TYW1: variants seen among roughly 807,000 people sequenced by gnomAD.
TYW1 encodes tRNA-yW synthesizing protein 1 homolog.
Under a neutral mutation model 96.2 loss-of-function variants are expected in TYW1, and 46 were observed. That is an observed-to-expected ratio of 0.48 (90% CI 0.38 to 0.61). The LOEUF (loss-of-function observed/expected upper bound fraction) is 0.61, where lower values mean the gene tolerates loss of function less well. Ranked by LOEUF, TYW1 falls within the 20% of genes least tolerant of loss-of-function variation. TYW1 has a pLI of 0.00. For synonymous variants in TYW1, 274 were observed against 323.0 expected (o/e 0.85, Z 1.63); for missense variants, 684 against 909.6 (o/e 0.75, Z 3.19).
intron 13 of TYW1, among the ~76,000 whole-genome samples, chr7:67,134,341 G>A (rs1798178364): frequency 6.6e-6 from 1 of 151,920 alleles, no homozygotes; most frequent in Non-Finnish European, 1.5e-5. Context: ...TCAGGAGTTC[G>A]AGACCAGCCT....
chr7:67,096,728 T>C (rs939897719), intron 11 of TYW1, among the ~76,000 whole-genome samples: 13 of 152,090 alleles, frequency 8.5e-5, no homozygotes, highest in East Asian at 7.8e-4. Flanking sequence ...TCCTCTCCCT[T>C]CTCCCACCCT....
At chr7:67,203,782 G>A (rs1650772356) in intron 15 of TYW1, among the ~76,000 whole-genome samples, 1 of 152,110 alleles carries the variant, frequency 6.6e-6, no homozygotes, top group African/African-American at 2.4e-5. Context: ...CCATCTGTTT[G>A]AAGAACTTCC....
chr7:67,073,856 G>A (rs948902237), intron 10 of TYW1, among the ~76,000 whole-genome samples: 4 of 150,894 alleles, frequency 2.7e-5, no homozygotes, highest in Admixed American at 2.6e-4. Context: ...GCTGAGGCGG[G>A]CAGATCACGA....
chr7:67,019,181 G>A (rs934241505), intron 6 of TYW1, among the ~76,000 whole-genome samples: 3 of 146,632 alleles, frequency 2.0e-5, no homozygotes, highest in Admixed American at 6.8e-5. Flanking sequence ...ACGACCACGG[G>A]CTCAAGTTTA....
intron 11 of TYW1, among the ~76,000 whole-genome samples, chr7:67,091,279 C>G (rs1796709085): frequency 6.6e-6 from 1 of 151,490 alleles, no homozygotes; most frequent in African/African-American, 2.4e-5. Flanking sequence ...ATGGATGAAG[C>G]TGGAAACCAT....
At chr7:67,137,920 C>G (rs35456312) in intron 13 of TYW1, among the ~76,000 whole-genome samples, 4 of 152,294 alleles carry the variant, frequency 2.6e-5, no homozygotes, top group Admixed American at 6.5e-5. Flanking sequence ...GGCCCACACT[C>G]TCACACCATG....
intron 13 of TYW1, among the ~76,000 whole-genome samples, chr7:67,162,746 G>A (rs1288100411): frequency 6.6e-6 from 1 of 152,158 alleles, no homozygotes; most frequent in African/African-American, 2.4e-5. Flanking sequence ...TTGAAGTCAT[G>A]GGAGTCTGAG....
intron 7 of TYW1, among the ~76,000 whole-genome samples, chr7:67,025,474 G>A (rs11763312): frequency 0.11 from 17,025 of 151,650 alleles, 989 homozygotes; most frequent in Middle Eastern, 0.15. Context: ...GATGGTTAGA[G>A]AGATTTTATT....
chr7:67,095,614 C>A (rs3107885), intron 11 of TYW1, among the ~76,000 whole-genome samples: 1 of 151,838 alleles, frequency 6.6e-6, no homozygotes, highest in African/African-American at 2.4e-5. Flanking sequence ...GCTGAGATCA[C>A]GCCATTGCAC....
At chr7:67,019,951 G>T (rs908404735) in intron 6 of TYW1, among the ~76,000 whole-genome samples, 116 of 152,252 alleles carry the variant, frequency 7.6e-4, no homozygotes, top group African/African-American at 2.5e-3. Flanking sequence ...ATGGCTTCAA[G>T]AGATAATTAC....
At chr7:67,162,838 T>G (rs1361969444) in intron 13 of TYW1, among the ~76,000 whole-genome samples, 3 of 152,214 alleles carry the variant, frequency 2.0e-5, no homozygotes, top group Non-Finnish European at 4.4e-5. Flanking sequence ...TGTTTACTAT[T>G]CTGTAGATAG....
chr7:67,111,739 A>G (rs1304720086), intron 12 of TYW1, among the ~76,000 whole-genome samples: 1 of 152,208 alleles, frequency 6.6e-6, no homozygotes, highest in Non-Finnish European at 1.5e-5. Flanking sequence ...TAAACAACAC[A>G]CTTGTTAAAT....
chr7:67,009,867 C>G (rs1793731775), intron 4 of TYW1, 183 bp downstream of exon 4: 9 of 610,062 alleles, frequency 1.5e-5, no homozygotes. Flanking sequence ...TTCACTGATT[C>G]TCACGTGGTG....
chr7:67,155,702 G>A (rs1436864710), intron 13 of TYW1, among the ~76,000 whole-genome samples: 5 of 152,138 alleles, frequency 3.3e-5, no homozygotes, highest in African/African-American at 9.7e-5. Flanking sequence ...GGGATTATAG[G>A]CGTGAGCCAC....
intron 15 of TYW1, among the ~76,000 whole-genome samples, chr7:67,202,321 C>T (rs893273508): frequency 6.6e-6 from 1 of 152,140 alleles, no homozygotes; most frequent in Admixed American, 6.5e-5. Context: ...GGTCAGGTGA[C>T]CTGAAACCAG....
At chr7:67,032,953 GT>G (rs1198229817) in intron 7 of TYW1, among the ~76,000 whole-genome samples, 6 of 127,812 alleles carry the variant, frequency 4.7e-5, no homozygotes, top group Non-Finnish European at 9.4e-5. Context: ...CTGGGGTGCA[GT>G]GGCACAATCT....
intron 3 of TYW1, among the ~76,000 whole-genome samples, chr7:67,009,131 T>G (rs1254014688): frequency 6.6e-6 from 1 of 152,140 alleles, no homozygotes; most frequent in Non-Finnish European, 1.5e-5. Flanking sequence ...CGTCTCAGCC[T>G]CTTGAGTAGC....
intron 7 of TYW1, among the ~76,000 whole-genome samples, chr7:67,025,718 T>C (rs916255052): frequency 3.9e-5 from 6 of 152,126 alleles, no homozygotes; most frequent in African/African-American, 1.4e-4. Flanking sequence ...GAATGTACGA[T>C]GCAGTAGGAT....
At position 67,180,386 on chromosome 7, in the gene TYW1, TTA is replaced by T. The variant is rs372906172; in HGVS notation, c.1699-2722_1699-2721del. Among the ~76,000 whole-genome samples the T allele has an allele frequency of 1.4e-3, 154 of 111,560 alleles. 24 individuals carry two copies. The highest frequency in any genetic ancestry group is 2.4e-3 in the Non-Finnish European group (135 of 56,114). 73.2% of individuals were successfully genotyped at this position (111,560 alleles called of 152,430 possible). A position where few individuals can be genotyped will look rare whatever the true frequency, so the allele number is the denominator to read the frequency against. On this transcript the variant is annotated intron_variant, in intron 13 of 15. Transcript: ENST00000359626. Reference sequence around the variant, plus strand: ...ACCGTATCCTTGGAAAGCTGTTGGTTTATATATATATATATATATTTATATAT... The same window carrying T: ...ACCGTATCCTTGGAAAGCTGTTGGTTTATATATATATATATATTTATATAT...
Sources: allele counts gnomAD v4.1 joint callset (sites outside exome capture counted in the v4.1 genomes callset), GRCh38; gene constraint gnomAD v4.1.1; transcripts MANE v1.5; gene names NCBI Gene and HGNC (gene_info 2026-07-23, HGNC 2026-07-21).